NALF1: variants seen among roughly 807,000 people sequenced by gnomAD.
NALF1 encodes NALCN channel auxiliary factor 1.
In NALF1, 3 loss-of-function variants were observed where a neutral mutation model predicts 48.4. The ratio of observed to expected loss-of-function variants is 0.06; its 90% CI spans 0.03 to 0.16. NALF1 has a LOEUF of 0.16. NALF1 is among the 10% of genes least tolerant of loss of function. The pLI is 1.00. For synonymous variants in NALF1, 262 were observed against 245.7 expected (o/e 1.07, Z -0.62); for missense variants, 526 against 571.5 (o/e 0.92, Z 0.81).
intron 1 of NALF1, among the ~76,000 whole-genome samples, chr13:107,315,241 A>G (rs1882123605): frequency 6.6e-6 from 1 of 151,446 alleles, no homozygotes; most frequent in African/African-American, 2.4e-5. Context: ...ATAAATATAA[A>G]TTTCTTATAA....
chr13:107,537,764 T>C (rs1027463872), intron 1 of NALF1, among the ~76,000 whole-genome samples: 1 of 152,228 alleles, frequency 6.6e-6, no homozygotes, highest in Middle Eastern at 3.4e-3. Flanking sequence ...ATGCCTATAA[T>C]CCCAGCACTT....
chr13:107,333,495 A>T (rs1034398071), intron 1 of NALF1, among the ~76,000 whole-genome samples: 2 of 152,194 alleles, frequency 1.3e-5, no homozygotes, highest in Admixed American at 1.3e-4. Flanking sequence ...TTGGAGACAG[A>T]CCTGTGGAGG....
chr13:107,345,491 G>C (rs971760598), intron 1 of NALF1, among the ~76,000 whole-genome samples: 7 of 152,074 alleles, frequency 4.6e-5, no homozygotes, highest in Non-Finnish European at 8.8e-5. Flanking sequence ...GAGAGCCCAG[G>C]AATAAACTCT....
At chr13:107,564,911 G>A (rs1256262835) in intron 1 of NALF1, among the ~76,000 whole-genome samples, 1 of 151,940 alleles carries the variant, frequency 6.6e-6, no homozygotes, top group African/African-American at 2.4e-5. Context: ...AAGCTTGAAA[G>A]GCAAAGAATT....
intron 1 of NALF1, among the ~76,000 whole-genome samples, chr13:107,410,292 C>T (rs562621338): frequency 6.6e-6 from 1 of 152,136 alleles, no homozygotes; most frequent in African/African-American, 2.4e-5. Flanking sequence ...CAGAAGGCCA[C>T]ACCCTGCAGG....
chr13:107,192,492 C>T (rs1321286519), intron 2 of NALF1, among the ~76,000 whole-genome samples: 2 of 152,168 alleles, frequency 1.3e-5, no homozygotes, highest in African/African-American at 4.8e-5. Flanking sequence ...ACATTGTGGA[C>T]TTCCCGAGAA....
At chr13:107,224,282 T>C (rs997787917) in intron 1 of NALF1, among the ~76,000 whole-genome samples, 2 of 151,824 alleles carry the variant, frequency 1.3e-5, no homozygotes, top group Admixed American at 1.3e-4. Flanking sequence ...ATAAAGCACA[T>C]ATATCATGAT....
intron 2 of NALF1, among the ~76,000 whole-genome samples, chr13:107,172,819 T>G (rs1281911525): frequency 2.0e-5 from 3 of 152,144 alleles, no homozygotes; most frequent in Admixed American, 6.5e-5. Context: ...TTAACAATGT[T>G]AGGTAAATAA....
intron 1 of NALF1, among the ~76,000 whole-genome samples, chr13:107,563,952 A>G (rs1877716269): frequency 1.3e-5 from 2 of 152,244 alleles, no homozygotes; most frequent in South Asian, 2.1e-4. Flanking sequence ...AATAATTTAT[A>G]GCCTTATAAA....
At chr13:107,522,785 C>CT (rs111998867) in intron 1 of NALF1, among the ~76,000 whole-genome samples, 2 of 151,286 alleles carry the variant, frequency 1.3e-5, no homozygotes, top group Non-Finnish European at 2.9e-5. Flanking sequence ...TCTTTTTTTT[C>CT]TTTTTTGTAT....
In NALF1 at chr13:107,512,350, T is replaced by G. The variant is rs538848779; in HGVS notation, c.916-301595A>C. On this transcript the variant is annotated intron_variant, in intron 1 of 2. Transcript: ENST00000375915. Reference sequence around the variant, plus strand: ...CGGAGGTTGCAGTGAGCCAAGATCATGCCACTGCGCTCCAGCCTGTCCACA... The same window carrying G: ...CGGAGGTTGCAGTGAGCCAAGATCAGGCCACTGCGCTCCAGCCTGTCCACA... Among the ~76,000 whole-genome samples, 3 of 152,250 alleles carry G rather than the reference T, an allele frequency of 2.0e-5. No homozygotes were observed. In the East Asian group the frequency reaches 5.8e-4, roughly 30 times the overall value.
At chr13:107,568,754 A>C (rs530605804) in intron 1 of NALF1, among the ~76,000 whole-genome samples, 1 of 152,264 alleles carries the variant, frequency 6.6e-6, no homozygotes, top group African/African-American at 2.4e-5. Flanking sequence ...ATTTAGTGAA[A>C]TGTCTGTGCA....
chr13:107,478,339 C>T (rs1332598771), intron 1 of NALF1, among the ~76,000 whole-genome samples: 1 of 152,050 alleles, frequency 6.6e-6, no homozygotes, highest in African/African-American at 2.4e-5. Flanking sequence ...TGGACCTTAT[C>T]TTTTTCTCAG....
chr13:107,463,192 A>G (rs1884947987), intron 1 of NALF1, among the ~76,000 whole-genome samples: 1 of 152,244 alleles, frequency 6.6e-6, no homozygotes, highest in Non-Finnish European at 1.5e-5. Context: ...ATATTCCTAA[A>G]TGTTTTTTGA....
intron 1 of NALF1, among the ~76,000 whole-genome samples, chr13:107,439,874 T>A (rs2139025076): frequency 6.6e-6 from 1 of 152,218 alleles, no homozygotes; most frequent in East Asian, 1.9e-4. Flanking sequence ...AAAGAGAGGG[T>A]CAGAGCAGAA....
chr13:107,724,739 T>TTTTTTG (rs1157810991), intron 1 of NALF1, among the ~76,000 whole-genome samples: 12 of 152,098 alleles, frequency 7.9e-5, no homozygotes, highest in African/African-American at 2.7e-4. Context: ...TTTTTGTGGT[T>TTTTTTG]TTTTTGTTTT....
intron 1 of NALF1, among the ~76,000 whole-genome samples, chr13:107,342,035 A>T (rs1452802885): frequency 6.6e-6 from 1 of 152,198 alleles, no homozygotes; most frequent in Non-Finnish European, 1.5e-5. Context: ...CAAAACAACT[A>T]GACATTGCCA....
intron 1 of NALF1, among the ~76,000 whole-genome samples, chr13:107,308,574 C>T (rs1881986343): frequency 6.6e-6 from 1 of 152,086 alleles, no homozygotes; most frequent in Admixed American, 6.6e-5. Flanking sequence ...ATATTGCTAA[C>T]CATATGAAAA....
At chr13:107,481,677 A>C (rs192127454) in intron 1 of NALF1, among the ~76,000 whole-genome samples, 1 of 152,220 alleles carries the variant, frequency 6.6e-6, no homozygotes, top group East Asian at 1.9e-4. Context: ...ATAAGTGAAA[A>C]TCCAAGGGGG....
Sources: gnomAD v4.1 joint callset for allele counts (sites outside exome capture counted in the v4.1 genomes callset) on GRCh38, gnomAD v4.1.1 for gene constraint, MANE v1.5 for transcripts, NCBI Gene and HGNC (gene_info 2026-07-23, HGNC 2026-07-21) for gene names.